GRIN2A: variants seen among roughly 807,000 people sequenced by gnomAD.
The protein encoded by GRIN2A is glutamate receptor ionotropic, NMDA 2A.
Under a neutral mutation model 113.4 loss-of-function variants are expected in GRIN2A, and 22 were observed. The observed-to-expected ratio is 0.19, with a 90% CI of 0.14 to 0.28. GRIN2A has a LOEUF of 0.28. Among genes scored for constraint, GRIN2A ranks in the 10% least tolerant of loss-of-function variants. The pLI is 1.00. For missense variants in GRIN2A, 1,502 were observed against 1,887.0 expected (o/e 0.80, Z 3.78); for synonymous variants, 827 against 738.4 (o/e 1.12, Z -1.94).
intron 2 of GRIN2A, among the ~76,000 whole-genome samples, chr16:9,982,552 T>C (rs536670238): frequency 6.6e-6 from 1 of 152,238 alleles, no homozygotes; most frequent in South Asian, 2.1e-4. Flanking sequence ...TCTTCCCCCA[T>C]GTATGTTTTC....
chr16:9,916,181 A>C (rs2044246075), intron 3 of GRIN2A, among the ~76,000 whole-genome samples: 3 of 152,350 alleles, frequency 2.0e-5, no homozygotes, highest in African/African-American at 7.2e-5. Context: ...TGAGGATTCA[A>C]GATTTTGTAT....
chr16:10,149,742 C>T (rs1234659813), intron 2 of GRIN2A, among the ~76,000 whole-genome samples: 2 of 152,178 alleles, frequency 1.3e-5, no homozygotes, highest in Non-Finnish European at 2.9e-5. Flanking sequence ...CCCCTATCCC[C>T]TCCTCACTCC....
At chr16:9,982,569 A>G (rs187589228) in intron 2 of GRIN2A, among the ~76,000 whole-genome samples, 1 of 152,360 alleles carries the variant, frequency 6.6e-6, no homozygotes, top group Admixed American at 6.5e-5. Flanking sequence ...TTTCAGAACA[A>G]TGAATTGGTT....
chr16:9,773,294 G>A (rs1901395945), intron 11 of GRIN2A, among the ~76,000 whole-genome samples: 1 of 152,236 alleles, frequency 6.6e-6, no homozygotes, highest in African/African-American at 2.4e-5. Context: ...GGAATACAAA[G>A]CAAAGGGGAA....
intron 2 of GRIN2A, among the ~76,000 whole-genome samples, chr16:10,084,744 C>CTTTTATTTATTTA (rs1555476820): frequency 6.8e-6 from 1 of 147,024 alleles, no homozygotes; most frequent in Non-Finnish European, 1.5e-5. Flanking sequence ...CCACCTGACA[C>CTTTTATTTATTTA]TTTATTTATT....
At chr16:10,026,284 T>C (rs1439903318) in intron 2 of GRIN2A, among the ~76,000 whole-genome samples, 1 of 152,154 alleles carries the variant, frequency 6.6e-6, no homozygotes, top group Admixed American at 6.5e-5. Context: ...CTCCTCTGTA[T>C]AACAAGAGTA....
At chr16:10,093,862 A>G (rs1176108231) in intron 2 of GRIN2A, among the ~76,000 whole-genome samples, 1 of 152,198 alleles carries the variant, frequency 6.6e-6, no homozygotes, top group Non-Finnish European at 1.5e-5. Flanking sequence ...CTAAGACCGT[A>G]GGGAAGAGAT....
chr16:10,097,334 C>T (rs1024382599), intron 2 of GRIN2A, among the ~76,000 whole-genome samples: 6 of 152,144 alleles, frequency 3.9e-5, no homozygotes, highest in African/African-American at 7.2e-5. Flanking sequence ...AACAAATAAT[C>T]GTAGAGATGT....
intron 2 of GRIN2A, among the ~76,000 whole-genome samples, chr16:10,027,281 G>A (rs1310637625): frequency 6.6e-6 from 1 of 152,212 alleles, no homozygotes; most frequent in Non-Finnish European, 1.5e-5. Flanking sequence ...GAGGCTCAGA[G>A]AGAACAGACT....
At chr16:9,836,544 T>C (rs1567334473) in intron 7 of GRIN2A, among the ~76,000 whole-genome samples, 1 of 152,216 alleles carries the variant, frequency 6.6e-6, no homozygotes, top group Non-Finnish European at 1.5e-5. Flanking sequence ...TGGAAACTGA[T>C]GAAGCAACTG....
At chr16:9,831,721 G>T (rs2042499938) in intron 8 of GRIN2A, among the ~76,000 whole-genome samples, 1 of 151,738 alleles carries the variant, frequency 6.6e-6, no homozygotes. Flanking sequence ...TTGCCATATT[G>T]GCCAGGCTGG....
chr16:9,985,626 A>G (rs894131404), intron 2 of GRIN2A, among the ~76,000 whole-genome samples: 1 of 151,898 alleles, frequency 6.6e-6, no homozygotes, highest in Non-Finnish European at 1.5e-5. Context: ...TATTTGTGAG[A>G]GCTAAAAAAA....
chr16:10,174,690 T>A (rs2050109105), intron 2 of GRIN2A, among the ~76,000 whole-genome samples: 1 of 152,140 alleles, frequency 6.6e-6, no homozygotes, highest in Non-Finnish European at 1.5e-5. Context: ...CTTGTTGAAA[T>A]CTATAACTCA....
intron 2 of GRIN2A, among the ~76,000 whole-genome samples, chr16:10,098,383 A>C (rs56343598): frequency 0.2 from 29,834 of 152,204 alleles, 3,362 homozygotes; most frequent in African/African-American, 0.3. Context: ...ACCACTATGG[A>C]AAACAGTGTG....
intron 2 of GRIN2A, among the ~76,000 whole-genome samples, chr16:10,122,991 G>C (rs879714589): frequency 2.0e-5 from 3 of 152,184 alleles, no homozygotes; most frequent in Non-Finnish European, 4.4e-5. Flanking sequence ...AAGCAGCCAT[G>C]AGGACCTAAT....
chr16:10,157,208 G>A (rs925812853), intron 2 of GRIN2A, among the ~76,000 whole-genome samples: 13 of 152,120 alleles, frequency 8.5e-5, no homozygotes, highest in African/African-American at 3.1e-4. Context: ...ACCAAGAGTT[G>A]GGCAGTGGAA....
At chr16:9,988,653 T>A (rs2046035667) in intron 2 of GRIN2A, among the ~76,000 whole-genome samples, 1 of 152,110 alleles carries the variant, frequency 6.6e-6, no homozygotes, top group South Asian at 2.1e-4. Context: ...TTAAACAATA[T>A]CATCTTCACA....
At chr16:10,071,025 G>C (rs1419045300) in intron 2 of GRIN2A, among the ~76,000 whole-genome samples, 1 of 152,102 alleles carries the variant, frequency 6.6e-6, no homozygotes, top group Admixed American at 6.5e-5. Context: ...CCAGAGTAAT[G>C]ACTACCATTT....
At chr16:9,908,518 A>G (rs1327773254) in intron 3 of GRIN2A, among the ~76,000 whole-genome samples, 1 of 152,150 alleles carries the variant, frequency 6.6e-6, no homozygotes, top group Non-Finnish European at 1.5e-5. Context: ...TAGGAGGAAG[A>G]GAAAGAGGGA....
Sources: gnomAD v4.1 joint callset for allele counts (sites outside exome capture counted in the v4.1 genomes callset) on GRCh38, gnomAD v4.1.1 for gene constraint, MANE v1.5 for transcripts, NCBI Gene and HGNC (gene_info 2026-07-23, HGNC 2026-07-21) for gene names.